ZBTB20: variants seen among roughly 807,000 people sequenced by gnomAD.
The protein encoded by ZBTB20 is zinc finger and BTB domain containing 20, also known as zinc finger and BTB domain-containing protein 20.
In ZBTB20, 9 loss-of-function variants were observed where a neutral mutation model predicts 56.9. That is an observed-to-expected ratio of 0.16 (90% CI 0.10 to 0.28). ZBTB20 has a LOEUF of 0.28. Among genes scored for constraint, ZBTB20 ranks in the 10% least tolerant of loss-of-function variants. The pLI is 1.00. For missense variants in ZBTB20, 655 were observed against 1,003.0 expected (o/e 0.65, Z 4.69); for synonymous variants, 417 against 420.7 (o/e 0.99, Z 0.11).
intron 7 of ZBTB20, among the ~76,000 whole-genome samples, chr3:114,414,488 TAA>T (rs2088311522): frequency 6.6e-6 from 1 of 152,042 alleles, no homozygotes; most frequent in Non-Finnish European, 1.5e-5. Context: ...GAAGAAAATT[TAA>T]GTTTAGTAAT....
chr3:114,978,196 T>C (rs1223779449), intron 2 of ZBTB20, among the ~76,000 whole-genome samples: 1 of 150,458 alleles, frequency 6.6e-6, no homozygotes, highest in Non-Finnish European at 1.5e-5. Context: ...CAATTCACAA[T>C]AGAATTGTGA....
At chr3:114,646,712 G>A (rs959634468) in intron 6 of ZBTB20, among the ~76,000 whole-genome samples, 2 of 152,106 alleles carry the variant, frequency 1.3e-5, no homozygotes, top group Non-Finnish European at 2.9e-5. Context: ...TAGTTACAAG[G>A]GATTTGATCC....
chr3:114,934,260 T>C (rs867819117), intron 3 of ZBTB20, among the ~76,000 whole-genome samples: 4 of 152,180 alleles, frequency 2.6e-5, no homozygotes, highest in African/African-American at 9.7e-5. Flanking sequence ...CAGAGTCCTC[T>C]TCATCTTTTA....
At chr3:114,612,611 G>T (rs1364699847) in intron 6 of ZBTB20, among the ~76,000 whole-genome samples, 1 of 152,132 alleles carries the variant, frequency 6.6e-6, no homozygotes, top group East Asian at 1.9e-4. Context: ...GCTGCATTTT[G>T]CTATTAGCTC....
rs1397200744 is a variant in ZBTB20 at position 114,333,486 on chromosome 3, C to T, written c.*5519G>A. ...CTGCTGTTCCAGTGGGAAGTTATGT[C>T]TAGCCCCAGAAGGCCTGGTGGCTGG... On this transcript the variant is annotated 3_prime_UTR_variant, in exon 12 of 12. Coordinates refer to ENST00000675478, the MANE Select transcript of ZBTB20 (RefSeq NM_001348800.3). 1 of 152,170 alleles carries T rather than the reference C, an allele frequency of 6.6e-6. No homozygotes were observed. Among genetic ancestry groups the T allele is most frequent in the Non-Finnish European group, 1.5e-5 (1 of 68,054 alleles). 9.4% of individuals were successfully genotyped at this position (152,170 alleles called of 1,614,324 possible). A position where few individuals can be genotyped will look rare whatever the true frequency, so the allele number is the denominator to read the frequency against.
intron 6 of ZBTB20, among the ~76,000 whole-genome samples, chr3:114,637,779 CAT>C (rs1560070426): frequency 6.6e-6 from 1 of 152,044 alleles, no homozygotes; most frequent in Non-Finnish European, 1.5e-5. Context: ...AAATATATAA[CAT>C]GTGTTCCTGC....
intron 3 of ZBTB20, among the ~76,000 whole-genome samples, chr3:114,921,480 T>A (rs921379917): frequency 2.6e-5 from 4 of 151,918 alleles, no homozygotes; most frequent in African/African-American, 9.7e-5. Context: ...TTAATGCCCA[T>A]CCCTCTCAAA....
intron 5 of ZBTB20, among the ~76,000 whole-genome samples, chr3:114,787,333 A>T (rs113606798): frequency 3.1e-3 from 6 of 1,918 alleles, no homozygotes; most frequent in Non-Finnish European, 7.1e-3. Flanking sequence ...TTAAAAGGTT[A>T]TATATATATA....
At chr3:114,783,957 C>G (rs549093029) in intron 5 of ZBTB20, among the ~76,000 whole-genome samples, 2 of 152,158 alleles carry the variant, frequency 1.3e-5, no homozygotes, top group South Asian at 4.2e-4. Context: ...ACAGTGGAAA[C>G]AATTATAGGC....
intron 6 of ZBTB20, among the ~76,000 whole-genome samples, chr3:114,614,668 A>C (rs1255765826): frequency 1.3e-5 from 2 of 152,230 alleles, no homozygotes; most frequent in Non-Finnish European, 2.9e-5. Context: ...GAGCAAACAA[A>C]TAAAACATAA....
intron 4 of ZBTB20, among the ~76,000 whole-genome samples, chr3:114,833,331 A>C (rs920476724): frequency 1.3e-5 from 2 of 152,172 alleles, no homozygotes; most frequent in Non-Finnish European, 2.9e-5. Flanking sequence ...TTTTACACAT[A>C]TTACATAGCA....
chr3:114,932,660 A>G (rs983568834), intron 3 of ZBTB20, among the ~76,000 whole-genome samples: 9 of 152,212 alleles, frequency 5.9e-5, no homozygotes, highest in African/African-American at 2.2e-4. Flanking sequence ...CAGATCTAAG[A>G]TGAGAATTTT....
At chr3:114,672,924 C>T (rs2061429457) in intron 6 of ZBTB20, among the ~76,000 whole-genome samples, 1 of 152,044 alleles carries the variant, frequency 6.6e-6, no homozygotes, top group Admixed American at 6.6e-5. Flanking sequence ...GTCAATGGCC[C>T]TTTCTTGACT....
intron 5 of ZBTB20, among the ~76,000 whole-genome samples, chr3:114,798,364 A>G (rs536572609): frequency 4.9e-4 from 75 of 152,048 alleles, no homozygotes; most frequent in Non-Finnish European, 5.4e-4. Context: ...AAAAACACAC[A>G]AAAAAACCTC....
At chr3:115,016,805 G>C (rs2079981295) in intron 2 of ZBTB20, among the ~76,000 whole-genome samples, 1 of 151,306 alleles carries the variant, frequency 6.6e-6, no homozygotes, top group Non-Finnish European at 1.5e-5. Context: ...TGCTTTTTGG[G>C]TTCCATATGA....
intron 4 of ZBTB20, among the ~76,000 whole-genome samples, chr3:114,883,984 G>GCT (rs757338434): frequency 2.6e-5 from 3 of 117,196 alleles, no homozygotes; most frequent in South Asian, 3.2e-4. Context: ...GGAGTGCAGT[G>GCT]GCAGGATCTC....
chr3:114,650,710 T>C (rs758927138), intron 6 of ZBTB20, among the ~76,000 whole-genome samples: 4 of 152,002 alleles, frequency 2.6e-5, no homozygotes, highest in Non-Finnish European at 4.4e-5. Flanking sequence ...TTTAATTTCC[T>C]GAATATCTTA....
At chr3:114,594,731 A>T (rs2056154725) in intron 6 of ZBTB20, among the ~76,000 whole-genome samples, 1 of 152,210 alleles carries the variant, frequency 6.6e-6, no homozygotes, top group South Asian at 2.1e-4. Flanking sequence ...TGACAATAAT[A>T]AAGGCATGTT....
Position 114,872,018 on chromosome 3 carries a change from C to T in ZBTB20, c.-417+28286G>A, listed in dbSNP as rs565050278. ...CTCTGCCTAGAGTTTACTTTCACTT[C>T]CCGCCAGGAAAAAAAGAATAAGTAC... is the stretch of plus-strand genomic sequence containing the variant. On this transcript the variant is annotated intron_variant, in intron 4 of 11. Transcript: ENST00000675478. Among the ~76,000 whole-genome samples, 47 of 152,094 alleles carry T rather than the reference C, an allele frequency of 3.1e-4. No individual in the cohort carries two copies. In the South Asian group the frequency reaches 9.1e-3, roughly 30 times the overall value.
Sources: allele counts gnomAD v4.1 joint callset (sites outside exome capture counted in the v4.1 genomes callset), GRCh38; gene constraint gnomAD v4.1.1; transcripts MANE v1.5; gene names NCBI Gene and HGNC (gene_info 2026-07-23, HGNC 2026-07-21).